The following SEZ6 variants were observed in gnomAD, a reference collection of about 807,000 sequenced individuals.
SEZ6 encodes the protein seizure related 6 homolog.
Under a neutral mutation model 101.0 loss-of-function variants are expected in SEZ6, and 53 were observed. That is an observed-to-expected ratio of 0.52 (90% CI 0.42 to 0.66). The LOEUF is 0.66. SEZ6 is among the 30% of genes least tolerant of loss of function. The pLI, the probability that SEZ6 is intolerant of heterozygous loss-of-function variation, is 0.00. For synonymous variants in SEZ6, 488 were observed against 512.2 expected, an observed-to-expected ratio of 0.95 and a Z score of 0.64; for missense variants, 1,102 against 1,289.4, an observed-to-expected ratio of 0.85 and a Z score of 2.23.
chr17:28,990,530 G>A (rs777647298), intron 1 of SEZ6, among the ~76,000 whole-genome samples: 4 of 152,110 alleles, frequency 2.6e-5, no homozygotes, highest in African/African-American at 4.8e-5. Context: ...CTCCCAAAGT[G>A]CTGGGATTAC....
In SEZ6 at chr17:28,972,918, C is replaced by T. The variant is rs566898230; in HGVS notation, c.859-2966G>A. On this transcript the variant is annotated intron_variant, in intron 3 of 16. Coordinates refer to ENST00000317338, the MANE Select transcript of SEZ6 (RefSeq NM_178860.5). ...CACTGGGAGAAGGAGGAAGGGAGGA[C>T]GCTCACTACAGGGAAATTACCACGA... Among the ~76,000 whole-genome samples the T allele has an allele frequency of 2.6e-5, 4 of 152,244 alleles. No individual in the cohort carries two copies. In the South Asian group the frequency reaches 6.2e-4, roughly 24 times the overall value.
Position 28,969,746 on chromosome 17 carries a change from C to A in SEZ6, c.1054+11G>T. 6.8e-7 allele frequency: 1 copy of A among 1,475,936 alleles called. No individual in the cohort carries two copies. Among genetic ancestry groups the A allele is most frequent in the Non-Finnish European group, 8.9e-7 (1 of 1,119,538 alleles). The allele number at this position is 1,475,936 out of a possible 1,614,324, so 91.4% of individuals were successfully genotyped here. On this transcript the variant is annotated intron_variant, in intron 4 of 16. Coordinates refer to ENST00000317338, the MANE Select transcript of SEZ6 (RefSeq NM_178860.5). ...CTGGGCTGGTTCCACCTTCAACTAC[C>A]CAGGCCTTACCTTGGTAATGGAAAT...
chr17:28,969,624 G>C (rs2041121098), intron 4 of SEZ6, 133 bp downstream of exon 4: 3 of 821,478 alleles, frequency 3.7e-6, no homozygotes, highest in South Asian at 2.6e-5. Flanking sequence ...GAGCTTCACT[G>C]GACATTTGTG....
intron 3 of SEZ6, among the ~76,000 whole-genome samples, chr17:28,971,401 T>A (rs2041149585): frequency 1.3e-5 from 2 of 152,060 alleles, no homozygotes; most frequent in Non-Finnish European, 2.9e-5. Context: ...AAGACCAGCC[T>A]GACCAACATG....
chr17:28,970,712 T>G (rs1430679555), intron 3 of SEZ6, among the ~76,000 whole-genome samples: 1 of 152,230 alleles, frequency 6.6e-6, no homozygotes, highest in Admixed American at 6.5e-5. Flanking sequence ...CAGCAGTATT[T>G]TCTGAACTAT....
At chr17:28,960,404 A>G (rs2040957509) in intron 7 of SEZ6, 101 bp downstream of exon 7, 4 of 1,456,000 alleles carry the variant, frequency 2.7e-6, no homozygotes, top group Middle Eastern at 2.3e-4. Flanking sequence ...GGAAGGAGTG[A>G]CAGCATGGAG....
intron 11 of SEZ6, 101 bp from the exon 12 acceptor site, chr17:28,957,640 A>AG: frequency 7.7e-7 from 1 of 1,297,878 alleles, no homozygotes; most frequent in Non-Finnish European, 1.1e-6. Context: ...TTCATGTCGT[A>AG]TGGGTCTACC....
intron 3 of SEZ6, among the ~76,000 whole-genome samples, chr17:28,972,622 C>A (rs1166700094): frequency 6.6e-6 from 1 of 152,250 alleles, no homozygotes; most frequent in Non-Finnish European, 1.5e-5. Flanking sequence ...GCCTGACCAT[C>A]TGCTGGGGAC....
At chr17:28,960,481 C>G (rs756889627) in intron 7 of SEZ6, 24 bp downstream of exon 7, 1 of 1,578,190 alleles carries the variant, frequency 6.3e-7, no homozygotes, top group Admixed American at 1.8e-5. Flanking sequence ...CCCGCCACCC[C>G]CAGTGAGGCC....
intron 1 of SEZ6, among the ~76,000 whole-genome samples, chr17:29,003,423 G>A (rs912936813): frequency 5.3e-5 from 8 of 152,222 alleles, no homozygotes; most frequent in African/African-American, 1.9e-4. Context: ...GGCATACCAG[G>A]CCTTCCAAGG....
In SEZ6 at chr17:28,959,511, T is replaced by G; in HGVS notation, c.1772-39A>C. On this transcript the variant is annotated intron_variant, in intron 8 of 16. Transcript: ENST00000317338. This position sits in a 1 kb window ranked among gnomAD's most constrained non-coding sequence, Gnocchi z 4.4. ...GAGGCCCAGAAGGGTCTTTTCAAGC[T>G]TACCATGGTGTTGCTTACCATCTGC... is the stretch of plus-strand genomic sequence containing the variant. The G allele has an allele frequency of 6.2e-7, 1 of 1,602,608 alleles. No individual in the cohort carries two copies. The highest frequency in any genetic ancestry group is 1.1e-5 in the South Asian group (1 of 90,906).
intron 5 of SEZ6, among the ~76,000 whole-genome samples, chr17:28,963,502 C>T (rs2152684756): frequency 6.6e-6 from 1 of 152,334 alleles, no homozygotes; most frequent in East Asian, 1.9e-4. Flanking sequence ...TTCTGTGTCC[C>T]TAAACACCCT....
At position 28,982,313 on chromosome 17, in the gene SEZ6, A is replaced by G. The variant is rs1237198001; in HGVS notation, c.56-274T>C. ...ACTATTTCCTACTGTTCTCAGGTTCAGCCTCAGAATCCTCCTCAACACAGC... is the reference window on the plus strand; with the variant it reads ...ACTATTTCCTACTGTTCTCAGGTTCGGCCTCAGAATCCTCCTCAACACAGC... On this transcript the variant is annotated intron_variant, in intron 1 of 16. Coordinates refer to ENST00000317338, the MANE Select transcript of SEZ6 (RefSeq NM_178860.5). 2.0e-5 allele frequency among the ~76,000 whole-genome samples: 3 copies of G among 152,232 alleles called. No individual in the cohort carries two copies. In the East Asian group the frequency reaches 5.8e-4, roughly 29 times the overall value.
chr17:28,958,931 G>C, intron 10 of SEZ6, 94 bp downstream of exon 10: 1 of 1,360,266 alleles, frequency 7.4e-7, no homozygotes. Flanking sequence ...GCTTACTCTT[G>C]TCTGAGACAG....
chr17:28,957,308 T>A (rs777981760), intron 12 of SEZ6, 40 bp downstream of exon 12: 2 of 1,610,502 alleles, frequency 1.2e-6, no homozygotes, highest in African/African-American at 2.7e-5. Flanking sequence ...ATCTTTTATC[T>A]CCAGCTAGAG....
At position 28,957,094 on chromosome 17, in the gene SEZ6, C is replaced by A. The variant is rs761355189; in HGVS notation, c.2643G>T (p.Val881=). The A allele has an allele frequency of 1.7e-5, 27 of 1,611,478 alleles. No homozygotes were observed. The South Asian group carries it at 2.4e-4, about 14-fold the overall frequency. ...CACTCCAATGCGAGGGGTGCCCAGG[C>A]ACACACTTGATGCTGGCCTGGCCCT... ...VLKGQASIKC[V]PGHPSHWSDP... The change falls in exon 13 of 17, where the codon GTG becomes GTT. Residue 881 remains valine, a synonymous_variant. Transcript: ENST00000317338.
intron 5 of SEZ6, among the ~76,000 whole-genome samples, chr17:28,961,448 C>T (rs1182951955): frequency 6.6e-6 from 1 of 152,172 alleles, no homozygotes; most frequent in Non-Finnish European, 1.5e-5. Context: ...GGAGCAGGAA[C>T]CAGGTCTTTC....
chr17:28,962,736 G>A (rs1217644016), intron 5 of SEZ6, among the ~76,000 whole-genome samples: 8 of 149,298 alleles, frequency 5.4e-5, no homozygotes, highest in African/African-American at 2.0e-4. Flanking sequence ...AGCGGACATC[G>A]TGCCACTGCA....
chr17:29,002,937 C>T (rs1359115344), intron 1 of SEZ6, among the ~76,000 whole-genome samples: 1 of 152,100 alleles, frequency 6.6e-6, no homozygotes, highest in Non-Finnish European at 1.5e-5. Flanking sequence ...GTAACCCAGA[C>T]TAGCCATCCC....
Sources: gnomAD v4.1 joint callset for allele counts (sites outside exome capture counted in the v4.1 genomes callset) on GRCh38, gnomAD v4.1.1 for gene constraint, Gnocchi (gnomAD v3.1) non-coding constraint, MANE v1.5 for transcripts, NCBI Gene and HGNC (gene_info 2026-07-23, HGNC 2026-07-21) for gene names.